NPAS3: variants seen among roughly 807,000 people sequenced by gnomAD.
NPAS3 encodes neuronal PAS domain protein 3, also known as neuronal PAS domain-containing protein 3.
A neutral mutation model predicts 73.1 loss-of-function variants in NPAS3; 14 were observed. The observed-to-expected ratio is 0.19, with a 90% CI of 0.13 to 0.30. The LOEUF (loss-of-function observed/expected upper bound fraction) is 0.30, where lower values mean the gene tolerates loss of function less well. Ranked by LOEUF, NPAS3 falls within the 10% of genes least tolerant of loss-of-function variation. NPAS3 has a pLI of 1.00. For synonymous variants in NPAS3, 620 were observed against 541.5 expected (o/e 1.14, Z -2.01); for missense variants, 1,096 against 1,250.0 (o/e 0.88, Z 1.86).
At chr14:33,304,357 C>G (rs2042674101) in intron 3 of NPAS3, among the ~76,000 whole-genome samples, 1 of 152,032 alleles carries the variant, frequency 6.6e-6, no homozygotes, top group Non-Finnish European at 1.5e-5. Flanking sequence ...TAGTTTGAAT[C>G]TTGTTTTACA....
At chr14:33,322,578 G>T (rs1446178217) in intron 3 of NPAS3, among the ~76,000 whole-genome samples, 1 of 151,602 alleles carries the variant, frequency 6.6e-6, no homozygotes, top group African/African-American at 2.4e-5. Context: ...AAGTCTTTTT[G>T]TCATTGACGT....
intron 1 of NPAS3, among the ~76,000 whole-genome samples, chr14:33,021,754 G>T (rs1446845364): frequency 6.6e-6 from 1 of 151,996 alleles, no homozygotes; most frequent in Non-Finnish European, 1.5e-5. Context: ...ATTAACTTAG[G>T]TAATAAATAA....
In NPAS3 at chr14:33,567,020, C is replaced by T. The variant is rs998289318; in HGVS notation, c.558+6810C>T. Among the ~76,000 whole-genome samples, 5 of 152,132 alleles carry T rather than the reference C, an allele frequency of 3.3e-5. No individual in the cohort carries two copies. In the East Asian group the frequency reaches 5.8e-4, roughly 18 times the overall value. On this transcript the variant is annotated intron_variant, in intron 5 of 11. Coordinates refer to ENST00000356141, the Ensembl canonical transcript of NPAS3. ...TATTTTTCTTCCACAGGGTAATAAT[C>T]GACAATTTTTTTACGCCTAGAATTT... is the stretch of plus-strand genomic sequence containing the variant.
At chr14:33,662,894 T>C (rs1227891467) in intron 5 of NPAS3, among the ~76,000 whole-genome samples, 1 of 142,210 alleles carries the variant, frequency 7.0e-6, no homozygotes, top group Non-Finnish European at 1.5e-5. Context: ...TTTTTTTTTT[T>C]CTGTTGCCCA....
chr14:33,716,948 GTGT>G (rs764465917), intron 6 of NPAS3, among the ~76,000 whole-genome samples: 7 of 151,900 alleles, frequency 4.6e-5, no homozygotes, highest in Non-Finnish European at 8.8e-5. Flanking sequence ...CTTTTGAAAA[GTGT>G]TGTGTTTCAT....
At chr14:33,782,135 T>C (rs758118266) in intron 9 of NPAS3, among the ~76,000 whole-genome samples, 2 of 152,228 alleles carry the variant, frequency 1.3e-5, no homozygotes, top group Non-Finnish European at 2.9e-5. Flanking sequence ...ATTTCTTTCA[T>C]TTAAAACCAA....
chr14:33,614,574 A>G (rs1057095403), intron 5 of NPAS3, among the ~76,000 whole-genome samples: 2 of 152,206 alleles, frequency 1.3e-5, no homozygotes, highest in African/African-American at 4.8e-5. Context: ...AGCCTCGTTC[A>G]AAAACCATAT....
rs146261923 is a variant in NPAS3, at chr14:33,499,869, G to T, written c.469-60252G>T. On this transcript the variant is annotated intron_variant, in intron 4 of 11. Transcript: ENST00000356141. ...ACTGTTTATCTCTGGCAGCCTTCTC[G>T]CAGTGAGGCACAGGAAAAAGAATGC... 4.8e-3 allele frequency among the ~76,000 whole-genome samples: 722 copies of T among 151,902 alleles called. 7 individuals are homozygous for T. The highest frequency in any genetic ancestry group is 0.016 in the African/African-American group (656 of 41,484).
intron 1 of NPAS3, among the ~76,000 whole-genome samples, chr14:32,979,040 G>A (rs184386587): frequency 6.6e-6 from 1 of 152,126 alleles, no homozygotes; most frequent in South Asian, 2.1e-4. Flanking sequence ...ACCATTGTGA[G>A]CCTCAGTTTT....
chr14:33,655,397 G>A (rs1281135242), intron 5 of NPAS3, among the ~76,000 whole-genome samples: 1 of 133,588 alleles, frequency 7.5e-6, no homozygotes, highest in African/African-American at 2.9e-5. Flanking sequence ...ATAAATCCAA[G>A]CATGCATGTG....
intron 3 of NPAS3, among the ~76,000 whole-genome samples, chr14:33,292,231 C>A (rs2042127927): frequency 6.6e-6 from 1 of 152,178 alleles, no homozygotes; most frequent in Non-Finnish European, 1.5e-5. Flanking sequence ...GTTGCACCAA[C>A]CAATAAAACA....
chr14:33,546,334 A>G (rs1164962504), intron 4 of NPAS3, among the ~76,000 whole-genome samples: 1 of 152,208 alleles, frequency 6.6e-6, no homozygotes, highest in Non-Finnish European at 1.5e-5. Flanking sequence ...ATGTCCTCCA[A>G]CACCGCAACA....
Position 33,072,972 on chromosome 14 carries a change from T to A in NPAS3, c.140+16978T>A, listed in dbSNP as rs538745135. Among the ~76,000 whole-genome samples, 282 of 150,900 alleles carry A rather than the reference T, an allele frequency of 1.9e-3. 1 individual carries two copies. The highest frequency in any genetic ancestry group is 6.5e-3 in the African/African-American group (261 of 40,302). ...AATAATTGCCACAACTTAAAAAAAA[T>A]TTTTTTACTTTATTATGTTTGTACC... On this transcript the variant is annotated intron_variant, in intron 2 of 11. Coordinates refer to ENST00000356141, the Ensembl canonical transcript of NPAS3.
At chr14:33,084,043 G>A (rs2041945285) in intron 2 of NPAS3, among the ~76,000 whole-genome samples, 1 of 152,142 alleles carries the variant, frequency 6.6e-6, no homozygotes, top group African/African-American at 2.4e-5. Flanking sequence ...CCATGGCACT[G>A]TATTTTCTCA....
chr14:33,257,790 C>T (rs1023548720), intron 3 of NPAS3, among the ~76,000 whole-genome samples: 1 of 152,054 alleles, frequency 6.6e-6, no homozygotes, highest in African/African-American at 2.4e-5. Flanking sequence ...AATAACTGTG[C>T]CTTTTTGTCT....
At chr14:33,084,885 G>A (rs17100085) in intron 2 of NPAS3, among the ~76,000 whole-genome samples, 13,426 of 152,200 alleles carry the variant, frequency 0.088, 653 homozygotes, top group African/African-American at 0.13. Flanking sequence ...ATCCACATCA[G>A]TATAGTGTGA....
At chr14:33,521,513 T>TAA (rs35106729) in intron 4 of NPAS3, among the ~76,000 whole-genome samples, 2,469 of 132,992 alleles carry the variant, frequency 0.019, 38 homozygotes, top group African/African-American at 0.038. Flanking sequence ...TGATCTGCTT[T>TAA]AAAAAAAAAA....
At chr14:33,525,749 A>C (rs2053770094) in intron 4 of NPAS3, among the ~76,000 whole-genome samples, 1 of 152,124 alleles carries the variant, frequency 6.6e-6, no homozygotes, top group Non-Finnish European at 1.5e-5. Context: ...TTGTTTCTGA[A>C]ATGTTGAACC....
At chr14:33,308,956 T>A (rs529986454) in intron 3 of NPAS3, among the ~76,000 whole-genome samples, 129 of 152,270 alleles carry the variant, frequency 8.5e-4, no homozygotes, top group African/African-American at 2.9e-3. Context: ...TGACGTAGTT[T>A]CTTAGATGGA....
Sources: gnomAD v4.1 joint callset for allele counts (sites outside exome capture counted in the v4.1 genomes callset) on GRCh38, gnomAD v4.1.1 for gene constraint, MANE v1.5 for transcripts, NCBI Gene and HGNC (gene_info 2026-07-23, HGNC 2026-07-21) for gene names.